Variants in PRDM5 observed in about 807,000 individuals in gnomAD.
PRDM5 encodes the protein PR/SET domain 5, also known as PR domain zinc finger protein 5.
In PRDM5, 56 loss-of-function variants were observed where a neutral mutation model predicts 81.2. The observed-to-expected ratio is 0.69, with a 90% CI of 0.56 to 0.86. The LOEUF (loss-of-function observed/expected upper bound fraction) is 0.86. Ranked by LOEUF, PRDM5 falls within the 40% of genes least tolerant of loss-of-function variation. The pLI is 0.00. For missense variants in PRDM5, 697 were observed against 770.1 expected, an observed-to-expected ratio of 0.91 and a Z score of 1.12; for synonymous variants, 267 against 256.4, an observed-to-expected ratio of 1.04 and a Z score of -0.39.
chr4:120,784,445 T>C (rs904522842), intron 11 of PRDM5, among the ~76,000 whole-genome samples: 1 of 152,104 alleles, frequency 6.6e-6, no homozygotes, highest in African/African-American at 2.4e-5. Context: ...CAGTGGTAAG[T>C]AGGAAAAGCA....
chr4:120,746,566 T>C (rs1162905259), intron 14 of PRDM5, among the ~76,000 whole-genome samples: 1 of 128,772 alleles, frequency 7.8e-6, no homozygotes, highest in African/African-American at 2.7e-5. Context: ...GAATCTACAA[T>C]GAACTCCAAC....
intron 4 of PRDM5, among the ~76,000 whole-genome samples, chr4:120,820,577 G>A (rs894364523): frequency 6.6e-6 from 1 of 152,208 alleles, no homozygotes; most frequent in Non-Finnish European, 1.5e-5. Context: ...GACTGAGGAA[G>A]GTCTGACCTA....
chr4:120,783,183 CGTA>C (rs1350920606), intron 11 of PRDM5, among the ~76,000 whole-genome samples: 1 of 152,036 alleles, frequency 6.6e-6, no homozygotes, highest in Non-Finnish European at 1.5e-5. Flanking sequence ...TTGCATAAGA[CGTA>C]GTATTTTGTC....
At chr4:120,853,388 A>G in intron 3 of PRDM5, 30 bp downstream of exon 3, 1 of 1,613,476 alleles carries the variant, frequency 6.2e-7, no homozygotes, top group Non-Finnish European at 8.5e-7. Flanking sequence ...CTCACAGTGC[A>G]TAGTACAAAT....
chr4:120,873,405 T>C (rs1762036631), intron 2 of PRDM5, among the ~76,000 whole-genome samples: 1 of 152,206 alleles, frequency 6.6e-6, no homozygotes, highest in African/African-American at 2.4e-5. Context: ...CATGAGTCTT[T>C]GATAGAAATA....
chr4:120,732,591 T>C (rs1740431622), intron 14 of PRDM5, among the ~76,000 whole-genome samples: 1 of 90,360 alleles, frequency 1.1e-5, no homozygotes, highest in Admixed American at 1.4e-4. Flanking sequence ...ATACAACAGG[T>C]TACTTCACAA....
At chr4:120,704,457 A>G (rs1355681133) in intron 15 of PRDM5, among the ~76,000 whole-genome samples, 2 of 152,212 alleles carry the variant, frequency 1.3e-5, no homozygotes, top group Admixed American at 1.3e-4. Context: ...GGAGTGCATT[A>G]GGAAAATATT....
chr4:120,822,442 A>ATATC (rs1460954320), intron 3 of PRDM5, among the ~76,000 whole-genome samples: 2 of 152,242 alleles, frequency 1.3e-5, no homozygotes, highest in East Asian at 3.9e-4. Context: ...TTCTTTGGCA[A>ATATC]TATCATAGCA....
chr4:120,868,059 T>A (rs1209738481), intron 2 of PRDM5, among the ~76,000 whole-genome samples: 3 of 152,020 alleles, frequency 2.0e-5, no homozygotes, highest in Non-Finnish European at 4.4e-5. Context: ...TAACAGTTTC[T>A]TACTGACTCT....
intron 8 of PRDM5, among the ~76,000 whole-genome samples, chr4:120,807,746 T>G (rs1232946905): frequency 6.6e-6 from 1 of 152,114 alleles, no homozygotes; most frequent in Non-Finnish European, 1.5e-5. Flanking sequence ...AGTTTCTTCC[T>G]TCTGGTGGGT....
intron 2 of PRDM5, among the ~76,000 whole-genome samples, chr4:120,875,928 G>C (rs1342776660): frequency 6.6e-6 from 1 of 152,128 alleles, no homozygotes; most frequent in African/African-American, 2.4e-5. Flanking sequence ...TATTTCAAAA[G>C]TGTATAGAGT....
chr4:120,734,829 T>C (rs1159567185), intron 14 of PRDM5, among the ~76,000 whole-genome samples: 2 of 152,200 alleles, frequency 1.3e-5, no homozygotes, highest in Non-Finnish European at 2.9e-5. Flanking sequence ...CCTCCTCCTA[T>C]GCTGAGGTAA....
At chr4:120,771,749 C>T (rs1045671216) in intron 13 of PRDM5, among the ~76,000 whole-genome samples, 9 of 151,876 alleles carry the variant, frequency 5.9e-5, no homozygotes, top group African/African-American at 1.9e-4. Context: ...TGTAAATAAA[C>T]GTAAGAAGAA....
At chr4:120,873,444 T>C (rs1018619216) in intron 2 of PRDM5, among the ~76,000 whole-genome samples, 1 of 152,348 alleles carries the variant, frequency 6.6e-6, no homozygotes. Context: ...AGACAGAGCC[T>C]GCTTTTCAAT....
At chr4:120,895,709 C>T (rs1218296336) in intron 2 of PRDM5, 1 of 152,262 alleles carries the variant, frequency 6.6e-6, no homozygotes, top group Non-Finnish European at 1.5e-5. Context: ...CATTTTGAGA[C>T]AGGGTCTTGT....
At chr4:120,909,623 G>GA (rs144753000) in intron 1 of PRDM5, among the ~76,000 whole-genome samples, 35 of 123,104 alleles carry the variant, frequency 2.8e-4, no homozygotes, top group Admixed American at 1.9e-3. Flanking sequence ...ATTTGGAGGG[G>GA]AAAAAAAAAA....
intron 7 of PRDM5, among the ~76,000 whole-genome samples, chr4:120,815,796 T>C (rs907232355): frequency 1.3e-5 from 2 of 152,202 alleles, no homozygotes; most frequent in Non-Finnish European, 2.9e-5. Context: ...AGTAAAAAGT[T>C]AACTGAGACA....
chr4:120,859,478 A>G lies in PRDM5; in HGVS notation c.178-5938T>C, dbSNP rs371040863. Among the ~76,000 whole-genome samples, 40 of 151,724 alleles carry G rather than the reference A, an allele frequency of 2.6e-4. No individual in the cohort carries two copies. In the East Asian group the frequency reaches 3.9e-3, roughly 15 times the overall value. On this transcript the variant is annotated intron_variant, in intron 2 of 15. Transcript: ENST00000264808. Reference sequence around the variant, plus strand: ...GGGCTCAAACAATCCTCCTGCCTTGACCTCCCAAAGTGCTGGGATTACAGG... The same window carrying G: ...GGGCTCAAACAATCCTCCTGCCTTGGCCTCCCAAAGTGCTGGGATTACAGG...
In PRDM5 at chr4:120,827,020, G is replaced by A. The variant is rs180779085; in HGVS notation, c.301-5675C>T. Reference sequence around the variant, plus strand: ...TCATGTGGACCTTCACTAAGGTACCGTAGAATATTAGTCAATTCAGTCAAC... The same window carrying A: ...TCATGTGGACCTTCACTAAGGTACCATAGAATATTAGTCAATTCAGTCAAC... On this transcript the variant is annotated intron_variant, in intron 3 of 15. Transcript: ENST00000264808. Among the ~76,000 whole-genome samples, 362 of 152,214 alleles carry A rather than the reference G, an allele frequency of 2.4e-3. 2 individuals are homozygous for A. Among genetic ancestry groups the A allele is most frequent in the African/African-American group, 8.1e-3 (336 of 41,524 alleles).
Sources: gnomAD v4.1 joint callset for allele counts (sites outside exome capture counted in the v4.1 genomes callset) on GRCh38, gnomAD v4.1.1 for gene constraint, MANE v1.5 for transcripts, NCBI Gene and HGNC (gene_info 2026-07-23, HGNC 2026-07-21) for gene names.